Variants in FARP1 observed in about 807,000 individuals in gnomAD.
FARP1 encodes FERM, ARHGEF and pleckstrin domain-containing protein 1.
A neutral mutation model predicts 128.8 loss-of-function variants in FARP1; 52 were observed. That is an observed-to-expected ratio of 0.40 (90% CI 0.32 to 0.51). The LOEUF (loss-of-function observed/expected upper bound fraction) is 0.51. Ranked by LOEUF, FARP1 falls within the 20% of genes least tolerant of loss-of-function variation. FARP1 has a pLI of 0.45. For missense variants in FARP1, 1,333 were observed against 1,367.9 expected, an observed-to-expected ratio of 0.97 and a Z score of 0.40; for synonymous variants, 580 against 551.8, an observed-to-expected ratio of 1.05 and a Z score of -0.72.
At chr13:98,188,548 G>T (rs1190773016) in intron 1 of FARP1, among the ~76,000 whole-genome samples, 1 of 152,106 alleles carries the variant, frequency 6.6e-6, no homozygotes, top group Non-Finnish European at 1.5e-5. Context: ...GGGACAGGGT[G>T]AGACTCCGTC....
intron 2 of FARP1, among the ~76,000 whole-genome samples, chr13:98,217,847 A>G (rs80275281): frequency 0.023 from 3,491 of 152,314 alleles, 128 homozygotes; most frequent in African/African-American, 0.08. Flanking sequence ...GTGCCTGTGC[A>G]TGAAACTGAC....
At chr13:98,228,075 T>C (rs1189523694) in intron 2 of FARP1, among the ~76,000 whole-genome samples, 10 of 152,114 alleles carry the variant, frequency 6.6e-5, no homozygotes, top group Non-Finnish European at 1.5e-4. Flanking sequence ...ATGGCTAAAA[T>C]GGGCCGGGCG....
At chr13:98,153,518 TTTATA>T (rs1876243840) in intron 1 of FARP1, among the ~76,000 whole-genome samples, 2 of 95,628 alleles carry the variant, frequency 2.1e-5, no homozygotes, top group African/African-American at 3.2e-5. Context: ...TAAATATATA[TTTATA>T]TATATATTAT....
At chr13:98,244,872 A>C in intron 2 of FARP1, 1 of 1,437,284 alleles carries the variant, frequency 7.0e-7, no homozygotes. Context: ...GTGAAGCTGC[A>C]TACAGAGGGG....
chr13:98,171,255 A>G (rs1226395016), intron 1 of FARP1, among the ~76,000 whole-genome samples: 1 of 152,114 alleles, frequency 6.6e-6, no homozygotes, highest in Non-Finnish European at 1.5e-5. Flanking sequence ...TCCTGGTTCA[A>G]TGTCCTTGGG....
In FARP1 at chr13:98,205,516, C is replaced by G. The variant is rs78739437; in HGVS notation, c.-23-7704C>G. Among the ~76,000 whole-genome samples the G allele has an allele frequency of 1.1e-4, 16 of 152,242 alleles. No individual in the cohort carries two copies. In the East Asian group the frequency reaches 3.1e-3, roughly 29 times the overall value. On this transcript the variant is annotated intron_variant, in intron 1 of 26. Transcript: ENST00000319562. ...CATGCCATTCTCTTGCCTTAGCTTC[C>G]TGAGTAGCTGGGACTTCAGGTGCCC...
intron 2 of FARP1, among the ~76,000 whole-genome samples, chr13:98,239,533 G>C (rs1252342460): frequency 2.0e-5 from 3 of 152,196 alleles, no homozygotes; most frequent in African/African-American, 7.2e-5. Flanking sequence ...GGGTGGAGGG[G>C]GAGGAGACAT....
intron 2 of FARP1, among the ~76,000 whole-genome samples, chr13:98,232,706 A>G (rs1461466254): frequency 2.0e-5 from 3 of 152,166 alleles, no homozygotes; most frequent in African/African-American, 7.2e-5. Flanking sequence ...AATTTGTGTG[A>G]CTCATTTTAT....
intron 1 of FARP1, among the ~76,000 whole-genome samples, chr13:98,195,635 T>C (rs907500208): frequency 6.6e-6 from 1 of 152,184 alleles, no homozygotes; most frequent in Non-Finnish European, 1.5e-5. Flanking sequence ...CAGTGTATTC[T>C]CTGATCCGCT....
intron 6 of FARP1, among the ~76,000 whole-genome samples, chr13:98,379,724 T>C (rs1889819410): frequency 6.6e-6 from 1 of 152,196 alleles, no homozygotes; most frequent in African/African-American, 2.4e-5. Flanking sequence ...AGGTTACTTA[T>C]AATAATTAAT....
chr13:98,362,518 C>G (rs1192410762), intron 3 of FARP1, among the ~76,000 whole-genome samples: 1 of 152,162 alleles, frequency 6.6e-6, no homozygotes, highest in Non-Finnish European at 1.5e-5. Flanking sequence ...TCTCTCCTTC[C>G]TTTACTTCAC....
intron 2 of FARP1, among the ~76,000 whole-genome samples, chr13:98,259,044 T>C: frequency 6.6e-6 from 1 of 151,192 alleles, no homozygotes; most frequent in East Asian, 1.9e-4. Context: ...CCTGTCTGTC[T>C]CTACAAAAAA....
In FARP1 at chr13:98,211,920, C is replaced by T. The variant is rs75615561; in HGVS notation, c.-23-1300C>T. 4.9e-4 allele frequency among the ~76,000 whole-genome samples: 74 copies of T among 152,330 alleles called. 4 individuals are homozygous for T. The East Asian group carries it at 0.012, about 25-fold the overall frequency. Reference sequence around the variant, plus strand: ...TAGGCGCTGAGCTGCAAAGGACATTCGAGATTGGGTTCCTGCTTTAAGGGC... The same window carrying T: ...TAGGCGCTGAGCTGCAAAGGACATTTGAGATTGGGTTCCTGCTTTAAGGGC... On this transcript the variant is annotated intron_variant, in intron 1 of 26. Coordinates refer to ENST00000319562, the MANE Select transcript of FARP1 (RefSeq NM_005766.4).
chr13:98,409,589 A>T, intron 14 of FARP1, 64 bp downstream of exon 14: 1 of 1,417,584 alleles, frequency 7.1e-7, no homozygotes, highest in Non-Finnish European at 9.4e-7. Context: ...TGTGAATTTT[A>T]AAAATTGTAC....
chr13:98,260,589 C>T (rs1167418119), intron 2 of FARP1, among the ~76,000 whole-genome samples: 3 of 152,168 alleles, frequency 2.0e-5, no homozygotes, highest in Non-Finnish European at 1.5e-5. Flanking sequence ...ATCCAGCTGG[C>T]CCACGAGCAC....
chr13:98,269,462 C>G (rs984689198), intron 2 of FARP1, among the ~76,000 whole-genome samples: 3 of 152,168 alleles, frequency 2.0e-5, no homozygotes, highest in Admixed American at 6.5e-5. Flanking sequence ...TGCTTACATT[C>G]GTGTACTGTG....
chr13:98,190,733 G>T (rs1879170950), intron 1 of FARP1, among the ~76,000 whole-genome samples: 2 of 130,998 alleles, frequency 1.5e-5, no homozygotes, highest in African/African-American at 2.8e-5. Flanking sequence ...AGCTTTTTAA[G>T]TTTTTTTTTT....
At chr13:98,221,357 C>A (rs1250729381) in intron 2 of FARP1, among the ~76,000 whole-genome samples, 1 of 152,158 alleles carries the variant, frequency 6.6e-6, no homozygotes, top group Non-Finnish European at 1.5e-5. Context: ...AATAAAAAAT[C>A]ATGTGCTTCT....
At chr13:98,193,410 T>C (rs543185126) in intron 1 of FARP1, among the ~76,000 whole-genome samples, 1 of 152,202 alleles carries the variant, frequency 6.6e-6, no homozygotes, top group Admixed American at 6.5e-5. Flanking sequence ...AGCTGACTTA[T>C]TTAGAGCAAC....
Sources: allele counts gnomAD v4.1 joint callset (sites outside exome capture counted in the v4.1 genomes callset), GRCh38; gene constraint gnomAD v4.1.1; transcripts MANE v1.5; gene names NCBI Gene and HGNC (gene_info 2026-07-23, HGNC 2026-07-21).